Variants in ARHGEF33 observed in about 807,000 individuals in gnomAD.
ARHGEF33 encodes the protein DH and coiled-coil domain-containing protein ENSP00000381780.
ARHGEF33 carries 72 observed loss-of-function variants against 101.9 expected under a neutral mutation model. The ratio of observed to expected loss-of-function variants is 0.71; its 90% CI spans 0.58 to 0.86. The LOEUF (loss-of-function observed/expected upper bound fraction) is 0.86, where lower values mean the gene tolerates loss of function less well. Ranked by LOEUF, ARHGEF33 falls within the 40% of genes least tolerant of loss-of-function variation. The probability of loss-of-function intolerance (pLI) is 0.00; values close to 1 mark genes in which losing one functional copy is unlikely to be tolerated. For missense variants in ARHGEF33, 1,169 were observed against 1,111.3 expected (o/e 1.05, Z -0.74); for synonymous variants, 499 against 442.5 (o/e 1.13, Z -1.60).
chr2:38,909,116 C>T (rs905769964), intron 2 of ARHGEF33, among the ~76,000 whole-genome samples: 28 of 152,084 alleles, frequency 1.8e-4, no homozygotes, highest in African/African-American at 6.5e-4. Flanking sequence ...AGTGGACAGC[C>T]ATGAAGGCAG....
intron 16 of ARHGEF33, among the ~76,000 whole-genome samples, chr2:38,964,931 G>A (rs1005789530): frequency 1.3e-5 from 2 of 151,936 alleles, no homozygotes; most frequent in African/African-American, 2.4e-5. Context: ...TCACAGGACC[G>A]CACTTTAAGA....
At chr2:38,959,701 C>A (rs1181400863) in intron 15 of ARHGEF33, 140 bp from the exon 16 acceptor site, 1 of 948,038 alleles carries the variant, frequency 1.1e-6, no homozygotes, top group Non-Finnish European at 1.5e-6. Flanking sequence ...CGTGGGAGCG[C>A]CTTAGTGGAA....
At chr2:38,894,433 AAG>A (rs1553340060) in intron 1 of ARHGEF33, among the ~76,000 whole-genome samples, 19 of 151,566 alleles carry the variant, frequency 1.3e-4, no homozygotes, top group African/African-American at 2.9e-4. Flanking sequence ...GAAAAAAAAA[AAG>A]AATAATAATA....
chr2:38,957,167 G>C (rs554449692), intron 14 of ARHGEF33, 120 bp downstream of exon 14: 1 of 1,228,802 alleles, frequency 8.1e-7, no homozygotes, highest in East Asian at 2.6e-5. Context: ...GAAGGAAAGA[G>C]AGAAGGGGAG....
chr2:38,905,140 C>T (rs762638260), intron 2 of ARHGEF33, among the ~76,000 whole-genome samples: 6 of 151,318 alleles, frequency 4.0e-5, no homozygotes, highest in African/African-American at 7.3e-5. Flanking sequence ...TGACATTATT[C>T]GTTGGAAAGA....
Position 38,953,218 on chromosome 2 carries a change from A to T in ARHGEF33, c.1110A>T (p.Ser370=), listed in dbSNP as rs1278803199. 1.3e-6 allele frequency: 2 copies of T among 1,542,164 alleles called. No homozygotes were observed. The highest frequency in any genetic ancestry group is 1.8e-6 in the Non-Finnish European group (2 of 1,138,096). The change falls in exon 12 of 18, where the codon TCA becomes TCT. Residue 370 remains serine (S), a synonymous_variant. Coordinates refer to ENST00000409978, the MANE Select transcript of ARHGEF33 (RefSeq NM_001145451.5). Reference sequence around the variant, plus strand: ...TAAGGGACCTGCCTGAGTGCATCTCATTGGTTCATGTTGTAGTCCTGAAAG... The same window carrying T: ...TAAGGGACCTGCCTGAGTGCATCTCTTTGGTTCATGTTGTAGTCCTGAAAG... ...AYLRDLPECI[S]LVHVVVLKEG...
Position 38,928,978 on chromosome 2 carries a change from T to A in ARHGEF33, c.147T>A (p.His49Gln), listed in dbSNP as rs1168627297. The change falls in exon 5 of 18, where the codon CAT becomes CAA. Residue 49 changes from histidine to glutamine, a missense_variant. Physicochemically the swap from His to Gln is conservative, Grantham distance 24. Coordinates refer to ENST00000409978, the MANE Select transcript of ARHGEF33 (RefSeq NM_001145451.5). ...EAMQELSRIQ[H>Q]GEYALEEKVK... Reference sequence around the variant, plus strand: ...TGCAAGAACTGTCAAGAATTCAACATGGAGAATATGCTTTGGAAGAAAAGG... The same window carrying A: ...TGCAAGAACTGTCAAGAATTCAACAAGGAGAATATGCTTTGGAAGAAAAGG... 1.3e-5 allele frequency: 20 copies of A among 1,551,494 alleles called. No individual in the cohort carries two copies. The highest frequency in any genetic ancestry group is 1.7e-5 in the Non-Finnish European group (20 of 1,146,772).
intron 10 of ARHGEF33, 119 bp downstream of exon 10, chr2:38,944,149 A>G: frequency 2.8e-6 from 3 of 1,065,636 alleles, no homozygotes; most frequent in Non-Finnish European, 4.0e-6. Flanking sequence ...AGTCTTTGAA[A>G]AGAGAAGAGG....
chr2:38,935,808 G>T lies in ARHGEF33; in HGVS notation c.539G>T (p.Ser180Ile), dbSNP rs1348900454. The change falls in exon 8 of 18, where the codon AGT (serine) becomes ATT (isoleucine). Residue 180 changes from serine to isoleucine, a missense_variant. Coordinates refer to ENST00000409978, the MANE Select transcript of ARHGEF33 (RefSeq NM_001145451.5). ...TCCAGATCTGTTCATGTAGGAGACA[G>T]TAATGTAAAAGGAATGATGGGTCCT... Reference protein sequence around the residue: ...QESRSVHVGDSNVKGMMGPGV... With the variant: ...QESRSVHVGDINVKGMMGPGV... The T allele has an allele frequency of 6.4e-7, 1 of 1,552,040 alleles. No individual in the cohort carries two copies. Among genetic ancestry groups the T allele is most frequent in the African/African-American group, 1.4e-5 (1 of 73,170 alleles).
intron 16 of ARHGEF33, among the ~76,000 whole-genome samples, chr2:38,960,973 G>A (rs1465896620): frequency 6.6e-6 from 1 of 152,156 alleles, no homozygotes; most frequent in South Asian, 2.1e-4. Context: ...TAACACACAC[G>A]CATTTAGGGA....
At chr2:38,935,541 A>G (rs997544653) in intron 7 of ARHGEF33, among the ~76,000 whole-genome samples, 1 of 152,194 alleles carries the variant, frequency 6.6e-6, no homozygotes, top group African/African-American at 2.4e-5. Flanking sequence ...GCAGTTTACA[A>G]ATACTAACTT....
chr2:38,938,149 G>C (rs992998544), intron 9 of ARHGEF33, among the ~76,000 whole-genome samples: 2 of 152,110 alleles, frequency 1.3e-5, no homozygotes, highest in South Asian at 4.1e-4. Flanking sequence ...GTTTTTTCTG[G>C]TACTTGCTTC....
Position 38,956,885 on chromosome 2 carries a change from T to TC in ARHGEF33, c.1222-10dup. ...CTGATTATGCAATGCTACTTCCTTT[T>TC]CCCCTCCATCCAGAACGTCCTGAAG... On this transcript the variant is annotated splice_polypyrimidine_tract_variant and intron_variant, in intron 13 of 17. Coordinates refer to ENST00000409978, the MANE Select transcript of ARHGEF33 (RefSeq NM_001145451.5). The TC allele has an allele frequency of 6.4e-7, 1 of 1,551,352 alleles. No homozygotes were observed. Among genetic ancestry groups the TC allele is most frequent in the Non-Finnish European group, 8.7e-7 (1 of 1,146,328 alleles).
chr2:38,971,787 T>C (rs1267767356), intron 17 of ARHGEF33: 2 of 717,120 alleles, frequency 2.8e-6, no homozygotes, highest in African/African-American at 3.5e-5. Flanking sequence ...AAGGTACAAT[T>C]TGTGAGAAGA....
Position 38,931,183 on chromosome 2 carries a change from A to G in ARHGEF33, c.437A>G (p.Asn146Ser), listed in dbSNP as rs1025607815. ...CAAGGAAGTCCTTTTCGTTCTATCA[A>G]TATCCCTGAGCCTGTTCTTCCAAGC... ...QAQGSPFRSINIPEPVLPSED... is the reference protein window; with the variant it reads ...QAQGSPFRSISIPEPVLPSED... Residue 146 changes from asparagine to serine, a missense_variant, in exon 7 of 18, where the codon AAT becomes AGT. Asn to Ser is a conservative substitution (Grantham distance 46). Transcript: ENST00000409978. The G allele has an allele frequency of 5.8e-6, 9 of 1,551,542 alleles. No homozygotes were observed. In the African/African-American group the frequency reaches 6.8e-5, roughly 12 times the overall value.
At chr2:38,927,778 G>A (rs1666906861) in intron 4 of ARHGEF33, among the ~76,000 whole-genome samples, 1 of 152,194 alleles carries the variant, frequency 6.6e-6, no homozygotes, top group Admixed American at 6.5e-5. Flanking sequence ...AGAGACATGT[G>A]GAGCTAAGAG....
chr2:38,960,517 A>C lies in ARHGEF33; in HGVS notation c.2212A>C (p.Ile738Leu), dbSNP rs1038870257. ...CAGCAGCAGCGGCGGCCGCGCGCCC[A>C]TCAAGGCCGAGCGCGCCGCGCAGGC... ...TRSSSGGRAP[I>L]KAERAAQAHG... Residue 738 changes from isoleucine (I) to leucine (L), a missense_variant, in exon 16 of 18, where the codon ATC becomes CTC. Coordinates refer to ENST00000409978, the MANE Select transcript of ARHGEF33 (RefSeq NM_001145451.5). 436 of 1,294,280 alleles carry C rather than the reference A, an allele frequency of 3.4e-4. 1 individual carries two copies. Among genetic ancestry groups the C allele is most frequent in the Middle Eastern group, 2.9e-3 (12 of 4,092 alleles). 80.2% of individuals were successfully genotyped at this position (1,294,280 alleles called of 1,614,324 possible).
At chr2:38,970,722 A>G (rs1668148295) in intron 17 of ARHGEF33, among the ~76,000 whole-genome samples, 1 of 152,252 alleles carries the variant, frequency 6.6e-6, no homozygotes, top group Non-Finnish European at 1.5e-5. Flanking sequence ...GATACAAGGT[A>G]TAGTACGTAG....
chr2:38,928,765 G>T, intron 4 of ARHGEF33, 142 bp from the exon 5 acceptor site: 1 of 696,154 alleles, frequency 1.4e-6, no homozygotes, highest in Non-Finnish European at 2.3e-6. Flanking sequence ...GTCTTAAGTT[G>T]TCCAAAGTGA....
Sources: allele counts gnomAD v4.1 joint callset (sites outside exome capture counted in the v4.1 genomes callset), GRCh38; gene constraint gnomAD v4.1.1; transcripts MANE v1.5; gene names NCBI Gene and HGNC (gene_info 2026-07-23, HGNC 2026-07-21).